EXOC6: variants seen among roughly 807,000 people sequenced by gnomAD.
The protein encoded by EXOC6 is exocyst complex component 6.
In EXOC6, 60 loss-of-function variants were observed where a neutral mutation model predicts 112.5. The observed-to-expected ratio is 0.53, with a 90% CI of 0.43 to 0.66. EXOC6 has a LOEUF of 0.66. Ranked by LOEUF, EXOC6 falls within the 30% of genes least tolerant of loss-of-function variation. EXOC6 has a pLI of 0.00. For missense variants in EXOC6, 855 were observed against 957.1 expected (o/e 0.89, Z 1.41); for synonymous variants, 295 against 308.0 (o/e 0.96, Z 0.44).
rs1334356100 is a variant in EXOC6, at chr10:92,909,615, A to T, written c.647A>T (p.Glu216Val). 8 of 1,605,860 alleles carry T rather than the reference A, an allele frequency of 5.0e-6. No homozygotes were observed. The African/African-American group carries it at 1.1e-4, about 21-fold the overall frequency. ...SIRKHSDKIG[E>V]TAMKQAQHQK... is the part of the protein sequence containing the mutation. ...CGAAAACATTCTGACAAAATAGGTG[A>T]AACAGCAATGAAACAGGTGAGATTA... Residue 216 changes from glutamate to valine, a missense_variant, in exon 6 of 22, where the codon GAA (glutamate) becomes GTA (valine). By Grantham distance (121) the Glu-to-Val change is moderately radical (BLOSUM62 -2). Around this residue, in one of 2 missense-constraint regions of EXOC6, gnomAD observed 405 missense variants for 393.6 expected, o/e 1.03. Coordinates refer to ENST00000260762, the MANE Select transcript of EXOC6 (RefSeq NM_019053.6).
At chr10:92,950,981 G>A (rs1451931869) in intron 14 of EXOC6, among the ~76,000 whole-genome samples, 1 of 152,150 alleles carries the variant, frequency 6.6e-6, no homozygotes, top group Non-Finnish European at 1.5e-5. Context: ...AGGAGTTGCT[G>A]ATTATGTGCA....
intron 20 of EXOC6, among the ~76,000 whole-genome samples, chr10:93,024,481 C>T (rs1844928634): frequency 6.6e-6 from 1 of 152,024 alleles, no homozygotes; most frequent in African/African-American, 2.4e-5. Context: ...GCCCAGGCTG[C>T]AGTACAGTGG....
At chr10:92,915,960 C>G in intron 7 of EXOC6, 47 bp downstream of exon 7, 1 of 1,336,684 alleles carries the variant, frequency 7.5e-7, no homozygotes, top group Non-Finnish European at 1.0e-6. Flanking sequence ...AATTTTTTTT[C>G]TTTTGGATTG....
At chr10:92,881,910 G>A (rs1848983366) in intron 1 of EXOC6, among the ~76,000 whole-genome samples, 1 of 151,996 alleles carries the variant, frequency 6.6e-6, no homozygotes, top group African/African-American at 2.4e-5. Context: ...GAACACGTTG[G>A]CCTCTTCTTC....
intron 17 of EXOC6, among the ~76,000 whole-genome samples, chr10:92,958,914 T>G (rs1408091401): frequency 6.6e-6 from 1 of 152,064 alleles, no homozygotes; most frequent in Non-Finnish European, 1.5e-5. Context: ...GCCAACATGG[T>G]GAAACCCTGT....
chr10:93,046,525 TGAA>T (rs1846006332), intron 20 of EXOC6, among the ~76,000 whole-genome samples: 1 of 151,408 alleles, frequency 6.6e-6, no homozygotes, highest in African/African-American at 2.4e-5. Context: ...GCTACCTGAG[TGAA>T]GAAGGAGGGA....
intron 20 of EXOC6, among the ~76,000 whole-genome samples, chr10:93,015,757 G>A (rs994751061): frequency 2.6e-5 from 4 of 152,066 alleles, no homozygotes; most frequent in Non-Finnish European, 4.4e-5. Context: ...ACAATGAGTC[G>A]TGTGGAAATA....
upstream of EXOC6, among the ~76,000 whole-genome samples, chr10:92,830,745 C>T (rs1846461802): frequency 6.6e-6 from 1 of 152,196 alleles, no homozygotes; most frequent in Non-Finnish European, 1.5e-5. Context: ...TTGAGAACCA[C>T]TAGCCTAGGG....
chr10:92,951,126 T>A (rs1473430870), intron 14 of EXOC6, among the ~76,000 whole-genome samples: 3 of 152,190 alleles, frequency 2.0e-5, no homozygotes, highest in Non-Finnish European at 4.4e-5. Context: ...CACTTTTGGA[T>A]CTATTGAGTA....
chr10:92,891,555 C>T (rs927779248), intron 1 of EXOC6, among the ~76,000 whole-genome samples: 2 of 152,112 alleles, frequency 1.3e-5, no homozygotes, highest in Non-Finnish European at 1.5e-5. Flanking sequence ...GATCTTTGCT[C>T]ACTGCAACCT....
chr10:93,046,794 C>T (rs1437251411), intron 20 of EXOC6, among the ~76,000 whole-genome samples: 1 of 152,054 alleles, frequency 6.6e-6, no homozygotes, highest in African/African-American at 2.4e-5. Context: ...GATGGGGTTT[C>T]ACCATGTTGG....
At chr10:93,048,263 TA>T (rs374081551) in intron 20 of EXOC6, among the ~76,000 whole-genome samples, 11,242 of 142,420 alleles carry the variant, frequency 0.079, 490 homozygotes, top group South Asian at 0.16. Flanking sequence ...TAAAGTATAA[TA>T]AAAAAAAAAA....
At chr10:93,038,372 G>A (rs1469235282) in intron 20 of EXOC6, among the ~76,000 whole-genome samples, 1 of 152,076 alleles carries the variant, frequency 6.6e-6, no homozygotes, top group Non-Finnish European at 1.5e-5. Context: ...AAAGCAGATT[G>A]GCTACACATA....
intron 16 of EXOC6, among the ~76,000 whole-genome samples, chr10:92,955,134 A>T (rs1409301092): frequency 5.3e-5 from 8 of 151,972 alleles, no homozygotes; most frequent in Non-Finnish European, 4.4e-5. Flanking sequence ...CAATCATACC[A>T]CTGCACTACA....
chr10:92,939,852 T>C (rs1465824793), intron 12 of EXOC6, among the ~76,000 whole-genome samples: 2 of 152,026 alleles, frequency 1.3e-5, no homozygotes, highest in Admixed American at 1.3e-4. Context: ...ATCATTGAAT[T>C]TGATATTTAG....
intron 14 of EXOC6, among the ~76,000 whole-genome samples, chr10:92,949,243 G>A (rs890185663): frequency 1.8e-4 from 28 of 151,730 alleles, no homozygotes; most frequent in African/African-American, 6.5e-4. Flanking sequence ...AGTGAATCAT[G>A]ACTGTAAATT....
chr10:92,849,241 G>C (rs1021632103), intron 1 of EXOC6, among the ~76,000 whole-genome samples: 2 of 152,246 alleles, frequency 1.3e-5, no homozygotes, highest in African/African-American at 4.8e-5. Context: ...GAGAGCAGCT[G>C]CTTGCTGCTT....
chr10:93,036,803 CATT>C (rs1341613373), intron 20 of EXOC6, among the ~76,000 whole-genome samples: 13 of 152,244 alleles, frequency 8.5e-5, no homozygotes, highest in African/African-American at 3.1e-4. Context: ...ACAATATAAG[CATT>C]ATTGTAATAT....
intron 11 of EXOC6, among the ~76,000 whole-genome samples, chr10:92,935,596 A>G (rs2133958542): frequency 6.6e-6 from 1 of 152,280 alleles, no homozygotes; most frequent in East Asian, 1.9e-4. Flanking sequence ...AACTTTTGAA[A>G]TATAAGCATC....
Sources: gnomAD v4.1 joint callset for allele counts (sites outside exome capture counted in the v4.1 genomes callset) on GRCh38, gnomAD v4.1.1 for gene constraint, gnomAD v4.1.1 regional missense constraint, MANE v1.5 for transcripts, NCBI Gene and HGNC (gene_info 2026-07-23, HGNC 2026-07-21) for gene names.